Variants in SLC13A3 observed in about 807,000 individuals in gnomAD.
SLC13A3 encodes the protein solute carrier family 13 member 3, also known as Na(+)/dicarboxylate cotransporter 3.
SLC13A3 carries 40 observed loss-of-function variants against 59.0 expected under a neutral mutation model. That is an observed-to-expected ratio of 0.68 (90% CI 0.53 to 0.88). SLC13A3 has a LOEUF of 0.88. Ranked by LOEUF, SLC13A3 falls within the 40% of genes least tolerant of loss-of-function variation. The probability of loss-of-function intolerance (pLI) is 0.00; values close to 1 mark genes in which losing one functional copy is unlikely to be tolerated. For missense variants in SLC13A3, 699 were observed against 783.2 expected, an observed-to-expected ratio of 0.89 and a Z score of 1.28; for synonymous variants, 317 against 330.3, an observed-to-expected ratio of 0.96 and a Z score of 0.44.
At chr20:46,674,597 G>GCA (rs2063112103), upstream of SLC13A3, among the ~76,000 whole-genome samples, 1 of 94,400 alleles carries the variant, frequency 1.1e-5, no homozygotes, top group African/African-American at 3.7e-5. Context: ...GTGCGCGCGC[G>GCA]CGCGCGCGTG....
chr20:46,573,651 C>G (rs141246991), intron 10 of SLC13A3, among the ~76,000 whole-genome samples: 2 of 152,112 alleles, frequency 1.3e-5, no homozygotes, highest in African/African-American at 4.8e-5. Flanking sequence ...GGCAGTTATT[C>G]TTTAATTTTT....
chr20:46,580,221 G>A (rs1202906935), intron 9 of SLC13A3, among the ~76,000 whole-genome samples: 1 of 152,140 alleles, frequency 6.6e-6, no homozygotes, highest in Non-Finnish European at 1.5e-5. Flanking sequence ...CTCCCAGAGT[G>A]CTGGGATTAC....
At chr20:46,592,705 T>C (rs2062272389) in intron 5 of SLC13A3, among the ~76,000 whole-genome samples, 176 bp from the exon 6 acceptor site, 1 of 152,178 alleles carries the variant, frequency 6.6e-6, no homozygotes, top group Non-Finnish European at 1.5e-5. Context: ...TTTCCTCTTC[T>C]TTGGAGGCTG....
intron 1 of SLC13A3, among the ~76,000 whole-genome samples, chr20:46,658,662 T>C (rs1470955015): frequency 6.6e-6 from 1 of 152,182 alleles, no homozygotes; most frequent in Non-Finnish European, 1.5e-5. Flanking sequence ...ATTTTTTAAA[T>C]AAATTGTTTT....
At position 46,610,439 on chromosome 20, in the gene SLC13A3, G is replaced by A; in HGVS notation, c.541+7C>T. 6.2e-7 allele frequency: 1 copy of A among 1,609,094 alleles called. No individual in the cohort carries two copies. Among genetic ancestry groups the A allele is most frequent in the Non-Finnish European group, 8.5e-7 (1 of 1,177,604 alleles). ...GATTTGGCCCCAATCCCTTAGCACA[G>A]CCTCACCTGTGTTCTCTTCACTCTC... On this transcript the variant is annotated splice_region_variant and intron_variant, in intron 3 of 12. Coordinates refer to ENST00000279027, the MANE Select transcript of SLC13A3 (RefSeq NM_022829.6).
At chr20:46,679,419 C>A (rs2063142680) in intron 1 of SLC13A3, among the ~76,000 whole-genome samples, 1 of 151,958 alleles carries the variant, frequency 6.6e-6, no homozygotes, top group Non-Finnish European at 1.5e-5. Flanking sequence ...TTGAGACCAT[C>A]CTGGCTAACA....
chr20:46,600,255 AGGAAG>A (rs1479742959), intron 3 of SLC13A3, among the ~76,000 whole-genome samples: 1 of 117,098 alleles, frequency 8.5e-6, no homozygotes, highest in Non-Finnish European at 1.9e-5. Context: ...AGATGGAGGA[AGGAAG>A]GAAAGGAAAG....
Position 46,596,270 on chromosome 20 carries a change from A to G in SLC13A3, c.681T>C (p.Arg227=). The change falls in exon 5 of 13, where the codon CGT becomes CGC. Residue 227 remains arginine, a synonymous_variant. Transcript: ENST00000279027. ...PADSRKEDEY[R]RNIWKGFLIS... ...TGAGGAAGCCCTTCCAGATGTTCCG[A>G]CGATATTCATCCTCCTTCCTGGAGT... 1 of 1,614,118 alleles carries G rather than the reference A, an allele frequency of 6.2e-7. No homozygotes were observed. The highest frequency in any genetic ancestry group is 8.5e-7 in the Non-Finnish European group (1 of 1,180,024).
rs200766549 is a variant in SLC13A3 at position 46,600,403 on chromosome 20, A to G, written c.542-366T>C. On this transcript the variant is annotated intron_variant, in intron 3 of 12. Coordinates refer to ENST00000279027, the MANE Select transcript of SLC13A3 (RefSeq NM_022829.6). The stretch of plus-strand genomic sequence containing the variant: ...AGGAAAGGGAGGGAAAGAAAGAAAG[A>G]AAGGAGGAAGGAAGGAAGGAAAGGA... Among the ~76,000 whole-genome samples, 1,143 of 142,500 alleles carry G rather than the reference A, an allele frequency of 8.0e-3. 3 individuals are homozygous for G. Among genetic ancestry groups the G allele is most frequent in the South Asian group, 0.014 (62 of 4,492 alleles). 93.5% of individuals were successfully genotyped at this position (142,500 alleles called of 152,430 possible).
Position 46,558,524 on chromosome 20 carries a change from C to G in SLC13A3, c.*1498G>C, listed in dbSNP as rs983421864. ...TCCCATGAGTTTCTCTTTGAATGAA[C>G]CTCTTGCTTCCAGTCCCATACAACG... On this transcript the variant is annotated 3_prime_UTR_variant, in exon 13 of 13. Transcript: ENST00000279027. 2 of 152,206 alleles carry G rather than the reference C, an allele frequency of 1.3e-5. No homozygotes were observed. Among genetic ancestry groups the G allele is most frequent in the Non-Finnish European group, 1.5e-5 (1 of 68,050 alleles). 9.4% of individuals were successfully genotyped at this position (152,206 alleles called of 1,614,324 possible).
chr20:46,645,394 C>G (rs1445697823), intron 1 of SLC13A3, among the ~76,000 whole-genome samples: 2 of 152,254 alleles, frequency 1.3e-5, no homozygotes, highest in East Asian at 1.9e-4. Flanking sequence ...CAGCCACATG[C>G]CCGAGATTTC....
At chr20:46,637,832 T>C (rs6124838) in intron 1 of SLC13A3, among the ~76,000 whole-genome samples, 12,304 of 152,138 alleles carry the variant, frequency 0.081, 591 homozygotes, top group East Asian at 0.21. Context: ...AGGCTGGTGC[T>C]AGGGTTCATG....
chr20:46,585,847 C>T, intron 8 of SLC13A3: 1 of 1,192,906 alleles, frequency 8.4e-7, no homozygotes, highest in Non-Finnish European at 1.1e-6. Flanking sequence ...CTTATAACAA[C>T]CTTCAGGAGA....
chr20:46,629,512 A>C (rs1367574272), intron 1 of SLC13A3, among the ~76,000 whole-genome samples: 1 of 152,154 alleles, frequency 6.6e-6, no homozygotes, highest in African/African-American at 2.4e-5. Flanking sequence ...TTCTTCAGGA[A>C]CACCAATTAT....
chr20:46,627,956 C>T (rs1398365642), intron 1 of SLC13A3, among the ~76,000 whole-genome samples: 6 of 151,372 alleles, frequency 4.0e-5, no homozygotes, highest in South Asian at 2.1e-4. Context: ...AGCCCTGGTC[C>T]GTTTGAAATA....
chr20:46,656,052 C>T (rs1334737450), upstream of SLC13A3, among the ~76,000 whole-genome samples: 3 of 142,046 alleles, frequency 2.1e-5, no homozygotes, highest in Admixed American at 7.2e-5. Flanking sequence ...ACTATATATA[C>T]ATATACTACA....
In SLC13A3 at chr20:46,577,499, C is replaced by G. The variant is rs998986235; in HGVS notation, c.1220-1814G>C. 4.9e-4 allele frequency among the ~76,000 whole-genome samples: 75 copies of G among 152,198 alleles called. 1 individual carries two copies. The highest frequency in any genetic ancestry group is 1.6e-3 in the African/African-American group (67 of 41,486). On this transcript the variant is annotated intron_variant, in intron 9 of 12. Transcript: ENST00000279027. ...GTACAAGAAGTCTGAAAAAGTGAAG[C>G]GACTTGCCCCACGCAGCAGGTAAGG...
chr20:46,682,263 C>G (rs946812461), intron 1 of SLC13A3: 2 of 152,196 alleles, frequency 1.3e-5, no homozygotes, highest in South Asian at 2.1e-4. Flanking sequence ...TTATTGGAAC[C>G]AGGGTCAGGA....
Position 46,651,315 on chromosome 20 carries a change from G to T in SLC13A3, c.107C>A (p.Pro36His). The T allele has an allele frequency of 6.6e-7, 1 of 1,507,310 alleles. No homozygotes were observed. The highest frequency in any genetic ancestry group is 8.9e-7 in the Non-Finnish European group (1 of 1,129,778). 93.4% of individuals were successfully genotyped at this position (1,507,310 alleles called of 1,614,324 possible). ...ALLPVVFALP[P>H]KEGRCLFVIL... ...CACAGGCGGAGGAGGCGTTACCTTG[G>T]GCGGGAGGGCGAAGACCACCGGCAG... Residue 36 changes from proline to histidine, a missense_variant, in exon 1 of 13, where the codon CCC becomes CAC. Transcript: ENST00000279027.
Sources: allele counts gnomAD v4.1 joint callset (sites outside exome capture counted in the v4.1 genomes callset), GRCh38; gene constraint gnomAD v4.1.1; transcripts MANE v1.5; gene names NCBI Gene and HGNC (gene_info 2026-07-23, HGNC 2026-07-21).